The following BRWD1 variants were observed in gnomAD, a reference collection of about 807,000 sequenced individuals.
BRWD1 encodes bromodomain and WD repeat-containing protein 1.
A neutral mutation model predicts 251.2 loss-of-function variants in BRWD1; 82 were observed. That is an observed-to-expected ratio of 0.33 (90% CI 0.27 to 0.39). The LOEUF (loss-of-function observed/expected upper bound fraction) is 0.39, where lower values mean the gene tolerates loss of function less well. Ranked by LOEUF, BRWD1 falls within the 10% of genes least tolerant of loss-of-function variation. The pLI, the probability that BRWD1 is intolerant of heterozygous loss-of-function variation, is 1.00. For synonymous variants in BRWD1, 918 were observed against 902.8 expected (o/e 1.02, Z -0.30); for missense variants, 2,233 against 2,711.6 (o/e 0.82, Z 3.92).
At chr21:39,289,099 T>C (rs535002247) in intron 8 of BRWD1, among the ~76,000 whole-genome samples, 132 of 152,346 alleles carry the variant, frequency 8.7e-4, no homozygotes, top group African/African-American at 3.1e-3. Context: ...TTGCAAGTAA[T>C]ATAATTATGT....
chr21:39,243,702 C>A (rs2034080384), intron 21 of BRWD1, among the ~76,000 whole-genome samples: 1 of 152,274 alleles, frequency 6.6e-6, no homozygotes, highest in African/African-American at 2.4e-5. Flanking sequence ...CCTCCCACCT[C>A]AGTCTCCCAA....
chr21:39,217,473 C>A, intron 31 of BRWD1: 1 of 199,280 alleles, frequency 5.0e-6, no homozygotes. Context: ...CAGAACGAAG[C>A]CCTGGTAGCC....
At chr21:39,201,921 CAAT>C (rs2032128771) in intron 38 of BRWD1, among the ~76,000 whole-genome samples, 1 of 152,314 alleles carries the variant, frequency 6.6e-6, no homozygotes, top group Middle Eastern at 3.4e-3. Flanking sequence ...CTCATTTGTA[CAAT>C]GTTAACAAAG....
In BRWD1 at chr21:39,197,009, A is replaced by T. The variant is rs1230698697; in HGVS notation, c.6060T>A (p.Ser2020=). The T allele has an allele frequency of 1.9e-6, 3 of 1,613,978 alleles. No homozygotes were observed. Among genetic ancestry groups the T allele is most frequent in the Admixed American group, 3.3e-5 (2 of 59,994 alleles). The change falls in exon 41 of 41, where the codon TCT becomes TCA. Residue 2020 remains serine (S), a synonymous_variant. Transcript: ENST00000342449. ...LSQALNGDSD[S]EDMLNSEHKH... ...TGTGTTCTGAATTCAACATATCTTC[A>T]GAGTCTGAGTCTCCATTTAGAGCCT...
chr21:39,244,751 G>A (rs990227171), intron 21 of BRWD1, among the ~76,000 whole-genome samples: 2 of 151,900 alleles, frequency 1.3e-5, no homozygotes, highest in African/African-American at 4.8e-5. Flanking sequence ...TTGAGGCGGA[G>A]AGGTTGGAAC....
At chr21:39,253,801 A>C (rs1252359933) in intron 19 of BRWD1, among the ~76,000 whole-genome samples, 1 of 152,256 alleles carries the variant, frequency 6.6e-6, no homozygotes, top group Non-Finnish European at 1.5e-5. Context: ...CAAACATGAG[A>C]AAATACTGAA....
At chr21:39,281,880 AT>A (rs34391798) in intron 8 of BRWD1, among the ~76,000 whole-genome samples, 1,623 of 68,912 alleles carry the variant, frequency 0.024, 24 homozygotes, top group African/African-American at 0.09. Context: ...ACCAAAAAAA[AT>A]ATATATATAT....
intron 14 of BRWD1, 89 bp from the exon 15 acceptor site, chr21:39,270,122 T>C (rs2035052400): frequency 1.6e-6 from 2 of 1,266,100 alleles, no homozygotes; most frequent in African/African-American, 1.5e-5. Flanking sequence ...CATATACTTT[T>C]AGAAATGTAT....
chr21:39,229,412 C>T lies in BRWD1; in HGVS notation c.3025G>A (p.Gly1009Arg). The T allele has an allele frequency of 6.2e-7, 1 of 1,609,780 alleles. No homozygotes were observed. Among genetic ancestry groups the T allele is most frequent in the Non-Finnish European group, 8.5e-7 (1 of 1,176,546 alleles). ...LRDQELVKIV[G>R]IRYEVGPPTL... ...GGGGGCCCAACTTCATATCGTATTC[C>T]AACTATTTTAACCAATTCTTGATCC... Residue 1009 changes from glycine to arginine, a missense_variant, in exon 26 of 41, where the codon GGA (glycine) becomes AGA (arginine). Gly to Arg is a moderately radical substitution (Grantham distance 125, BLOSUM62 -2). Coordinates refer to ENST00000342449, the MANE Select transcript of BRWD1 (RefSeq NM_033656.4).
intron 25 of BRWD1, among the ~76,000 whole-genome samples, chr21:39,231,654 T>G (rs2033621019): frequency 6.6e-6 from 1 of 152,178 alleles, no homozygotes; most frequent in Non-Finnish European, 1.5e-5. Flanking sequence ...CTGGACCACT[T>G]CACACACCCC....
chr21:39,288,667 C>A (rs1027866156), intron 8 of BRWD1, among the ~76,000 whole-genome samples: 5 of 152,084 alleles, frequency 3.3e-5, no homozygotes, highest in Non-Finnish European at 7.4e-5. Flanking sequence ...AGTCAATTAA[C>A]ACATATTTTT....
intron 8 of BRWD1, among the ~76,000 whole-genome samples, chr21:39,288,415 A>G (rs2035706861): frequency 6.6e-6 from 1 of 152,236 alleles, no homozygotes; most frequent in Admixed American, 6.5e-5. Context: ...CTGGCTCCCA[A>G]AGAGTACCTC....
chr21:39,283,512 T>C (rs113021965), intron 8 of BRWD1, among the ~76,000 whole-genome samples: 1 of 152,246 alleles, frequency 6.6e-6, no homozygotes, highest in Admixed American at 6.5e-5. Flanking sequence ...TCTTCTTCCA[T>C]TGTATTTATT....
At position 39,199,236 on chromosome 21, in the gene BRWD1, C is replaced by T. The variant is rs766382347; in HGVS notation, c.5180G>A (p.Arg1727Gln). ...NRDSESESDL[R>Q]VARKNWHANG... is the part of the protein sequence containing the mutation. ...AGCATGCCAATTTTTCCGGGCTACC[C>T]GCAAATCACTTTCTGACTCTGAGTC... Residue 1727 changes from arginine to glutamine, a missense_variant, in exon 40 of 41, where the codon CGG becomes CAG. Around this residue, in one of 12 missense-constraint regions of BRWD1, gnomAD observed 928 missense variants for 970.0 expected, o/e 0.96. Coordinates refer to ENST00000342449, the MANE Select transcript of BRWD1 (RefSeq NM_033656.4). 1.2e-6 allele frequency: 2 copies of T among 1,614,022 alleles called. No homozygotes were observed. Among genetic ancestry groups the T allele is most frequent in the African/African-American group, 1.3e-5 (1 of 74,908 alleles).
Position 39,277,260 on chromosome 21 carries a change from T to C in BRWD1, c.1095A>G (p.Glu365=). 6.2e-7 allele frequency: 1 copy of C among 1,608,112 alleles called. No individual in the cohort carries two copies. Among genetic ancestry groups the C allele is most frequent in the Non-Finnish European group, 8.5e-7 (1 of 1,175,416 alleles). The part of the protein sequence containing the change: ...FEAPEKIAEL[E]SHTDKVDSIQ... ...AAACGTGGATGCTTACAGTGTGGCT[T>C]TCAAGTTCTGCGATTTTTTCGGGTG... Residue 365 remains glutamate, a synonymous_variant, in exon 11 of 41, where the codon GAA becomes GAG. Transcript: ENST00000342449.
chr21:39,279,242 A>T (rs1008042587), intron 9 of BRWD1, among the ~76,000 whole-genome samples: 3 of 152,244 alleles, frequency 2.0e-5, no homozygotes, highest in Admixed American at 6.5e-5. Flanking sequence ...CTCAAAATAC[A>T]TCTCAATTTG....
At chr21:39,208,830 AATTCCAGGG>A (rs1353806456) in intron 36 of BRWD1, among the ~76,000 whole-genome samples, 1 of 152,142 alleles carries the variant, frequency 6.6e-6, no homozygotes, top group Non-Finnish European at 1.5e-5. Flanking sequence ...TGGCCTCCCA[AATTCCAGGG>A]ATTACAGGCC....
At chr21:39,308,765 A>G (rs538679802) in intron 4 of BRWD1, among the ~76,000 whole-genome samples, 2 of 152,182 alleles carry the variant, frequency 1.3e-5, no homozygotes, top group Non-Finnish European at 1.5e-5. Flanking sequence ...AGTTACCATC[A>G]TAAGGAACAA....
intron 8 of BRWD1, among the ~76,000 whole-genome samples, chr21:39,287,130 G>A (rs770412255): frequency 2.1e-4 from 32 of 152,124 alleles, no homozygotes; most frequent in Middle Eastern, 6.8e-3. Context: ...TCAATACTTC[G>A]AAAACTTACT....
Sources: allele counts gnomAD v4.1 joint callset (sites outside exome capture counted in the v4.1 genomes callset), GRCh38; gene constraint gnomAD v4.1.1; regional missense constraint gnomAD v4.1.1; transcripts MANE v1.5; gene names NCBI Gene and HGNC (gene_info 2026-07-23, HGNC 2026-07-21).